The following TIAM2 variants were observed in gnomAD, a reference collection of about 807,000 sequenced individuals.
TIAM2 encodes rho guanine nucleotide exchange factor TIAM2.
TIAM2 carries 80 observed loss-of-function variants against 152.9 expected under a neutral mutation model. The observed-to-expected ratio is 0.52, with a 90% CI of 0.44 to 0.63. TIAM2 has a LOEUF of 0.63. Ranked by LOEUF, TIAM2 falls within the 30% of genes least tolerant of loss-of-function variation. The pLI, the probability that TIAM2 is intolerant of heterozygous loss-of-function variation, is 0.00. For synonymous variants in TIAM2, 804 were observed against 838.0 expected (o/e 0.96, Z 0.70); for missense variants, 1,965 against 2,120.1 (o/e 0.93, Z 1.44).
intron 7 of TIAM2, among the ~76,000 whole-genome samples, chr6:155,162,607 G>A (rs1239951900): frequency 1.3e-5 from 2 of 152,180 alleles, no homozygotes; most frequent in Non-Finnish European, 2.9e-5. Flanking sequence ...TGTCTTGTTA[G>A]CGTAGAACAG....
At chr6:155,036,581 ATTATTTATTTATTTATTTAT>A (rs138150629) in intron 1 of TIAM2, among the ~76,000 whole-genome samples, 27 of 143,848 alleles carry the variant, frequency 1.9e-4, no homozygotes, top group South Asian at 4.4e-4. Context: ...GTTTGGAGAA[ATTATTTATTTATTTATTTAT>A]TTATTTATTT....
At chr6:155,024,570 G>A (rs1317052358) in intron 1 of TIAM2, among the ~76,000 whole-genome samples, 1 of 151,588 alleles carries the variant, frequency 6.6e-6, no homozygotes, top group African/African-American at 2.4e-5. Flanking sequence ...GGTCTTTAGG[G>A]GTGGGATCTT....
At chr6:155,240,499 G>T in intron 15 of TIAM2, 31 bp from the exon 16 acceptor site, 1 of 1,580,906 alleles carries the variant, frequency 6.3e-7, no homozygotes. Flanking sequence ...AGAGGCCCGT[G>T]CATTATTTTC....
chr6:155,117,771 CAT>C (rs762516696), intron 2 of TIAM2, among the ~76,000 whole-genome samples: 17 of 152,138 alleles, frequency 1.1e-4, no homozygotes, highest in South Asian at 2.1e-4. Flanking sequence ...TGATTCTCCA[CAT>C]GTTTCATGGT....
chr6:155,180,565 A>G (rs761072808), intron 12 of TIAM2, among the ~76,000 whole-genome samples: 1 of 152,110 alleles, frequency 6.6e-6, no homozygotes, highest in Non-Finnish European at 1.5e-5. Flanking sequence ...CGTTTTTTAA[A>G]AATTTGTATA....
chr6:155,009,212 G>C (rs1427250971), intron 1 of TIAM2, among the ~76,000 whole-genome samples: 1 of 144,950 alleles, frequency 6.9e-6, no homozygotes, highest in East Asian at 2.1e-4. Flanking sequence ...GGCGATTCTT[G>C]CACCTCAGCC....
chr6:155,189,145 C>T (rs1473034155), intron 14 of TIAM2, among the ~76,000 whole-genome samples: 1 of 152,176 alleles, frequency 6.6e-6, no homozygotes, highest in African/African-American at 2.4e-5. Flanking sequence ...ATTATAGAGC[C>T]AGCTCTGATG....
chr6:155,029,418 TATA>T lies in TIAM2; in HGVS notation c.-209+33927_-209+33929del, dbSNP rs1562295058. The stretch of plus-strand genomic sequence containing the variant: ...ATACTATAGTATATATAATATATAC[TATA>T]TATACTATAGTATATATTATACTAT... On this transcript the variant is annotated intron_variant, in intron 1 of 26. Coordinates refer to ENST00000682666, the MANE Select transcript of TIAM2 (RefSeq NM_012454.4). 2.3e-4 allele frequency among the ~76,000 whole-genome samples: 18 copies of T among 77,316 alleles called. 2 individuals carry two copies. Among genetic ancestry groups the T allele is most frequent in the African/African-American group, 9.1e-4 (18 of 19,708 alleles). The allele number at this position is 77,316 out of a possible 152,430, so 50.7% of individuals were successfully genotyped here.
chr6:155,104,366 CT>C (rs1423100107), intron 2 of TIAM2, among the ~76,000 whole-genome samples: 1 of 152,170 alleles, frequency 6.6e-6, no homozygotes, highest in East Asian at 1.9e-4. Context: ...CGCTTCTCCC[CT>C]GACCCCGCCC....
intron 1 of TIAM2, among the ~76,000 whole-genome samples, chr6:155,088,587 G>A (rs1778224744): frequency 9.7e-6 from 1 of 103,378 alleles, no homozygotes; most frequent in African/African-American, 3.7e-5. Flanking sequence ...CCATTTTATA[G>A]TTGAAGAAAC....
intron 7 of TIAM2, among the ~76,000 whole-genome samples, chr6:155,154,511 C>T (rs929730112): frequency 1.3e-5 from 2 of 150,370 alleles, no homozygotes; most frequent in African/African-American, 4.9e-5. Context: ...ATCACACCGC[C>T]ATCCACACGC....
intron 1 of TIAM2, among the ~76,000 whole-genome samples, chr6:155,030,384 C>G (rs1375440515): frequency 6.6e-6 from 1 of 152,142 alleles, no homozygotes; most frequent in Non-Finnish European, 1.5e-5. Context: ...TTGATTTTAA[C>G]AGTCCTGTGA....
At chr6:155,038,287 G>A (rs922264906) in intron 1 of TIAM2, among the ~76,000 whole-genome samples, 1 of 152,204 alleles carries the variant, frequency 6.6e-6, no homozygotes, top group Non-Finnish European at 1.5e-5. Flanking sequence ...GTAGGGTCTG[G>A]TTGGCCTGCC....
At position 155,169,096 on chromosome 6, in the gene TIAM2, T is replaced by C. The variant is rs1054949031; in HGVS notation, c.2361+3687T>C. On this transcript the variant is annotated intron_variant, in intron 9 of 26. Transcript: ENST00000682666. ...CTGCAAGCTTCGCCTCCCGGGTTCA[T>C]GCCATTCTCCTGCCTCAGCCTCCCG... Among the ~76,000 whole-genome samples, 18 of 152,010 alleles carry C rather than the reference T, an allele frequency of 1.2e-4. No homozygotes were observed. In the East Asian group the frequency reaches 1.5e-3, roughly 13 times the overall value.
intron 19 of TIAM2, among the ~76,000 whole-genome samples, chr6:155,247,207 T>C (rs1207374190): frequency 6.6e-6 from 1 of 152,206 alleles, no homozygotes; most frequent in Non-Finnish European, 1.5e-5. Flanking sequence ...AACCCTTAAG[T>C]GTACAGAATA....
chr6:155,099,425 T>C (rs1014139446), intron 2 of TIAM2, among the ~76,000 whole-genome samples: 3 of 152,194 alleles, frequency 2.0e-5, no homozygotes, highest in African/African-American at 4.8e-5. Flanking sequence ...TTTCTCAAAA[T>C]TGACTATTGA....
intron 1 of TIAM2, among the ~76,000 whole-genome samples, chr6:155,063,910 C>T (rs1309172382): frequency 6.6e-6 from 1 of 151,384 alleles, no homozygotes; most frequent in Non-Finnish European, 1.5e-5. Flanking sequence ...CAATAATAGC[C>T]TTGGATTAAA....
intron 1 of TIAM2, among the ~76,000 whole-genome samples, chr6:155,020,759 G>A (rs1031108279): frequency 5.3e-5 from 8 of 152,074 alleles, no homozygotes; most frequent in South Asian, 2.1e-4. Flanking sequence ...CACTGTGCCC[G>A]GCCATATTAG....
At chr6:155,172,178 T>C (rs41493946) in intron 9 of TIAM2, among the ~76,000 whole-genome samples, 15,531 of 152,176 alleles carry the variant, frequency 0.1, 881 homozygotes, top group Middle Eastern at 0.16. Context: ...TTGCAGACGT[T>C]CACTAGTCAG....
Sources: allele counts gnomAD v4.1 joint callset (sites outside exome capture counted in the v4.1 genomes callset), GRCh38; gene constraint gnomAD v4.1.1; transcripts MANE v1.5; gene names NCBI Gene and HGNC (gene_info 2026-07-23, HGNC 2026-07-21).